STXBP5L: variants seen among roughly 807,000 people sequenced by gnomAD.
STXBP5L encodes the protein syntaxin binding protein 5L, also known as syntaxin-binding protein 5-like.
STXBP5L carries 65 observed loss-of-function variants against 144.5 expected under a neutral mutation model. The ratio of observed to expected loss-of-function variants is 0.45; its 90% confidence interval spans 0.37 to 0.55. STXBP5L has a LOEUF of 0.55. STXBP5L is among the 20% of genes least tolerant of loss of function. The pLI is 0.00. For missense variants in STXBP5L, 1,298 were observed against 1,405.5 expected, an observed-to-expected ratio of 0.92 and a Z score of 1.22; for synonymous variants, 505 against 469.6, an observed-to-expected ratio of 1.08 and a Z score of -0.97.
At position 121,311,779 on chromosome 3, in the gene STXBP5L, A is replaced by G. The variant is rs531694684; in HGVS notation, c.2111-6696A>G. 2.1e-4 allele frequency among the ~76,000 whole-genome samples: 32 copies of G among 152,360 alleles called. No individual in the cohort carries two copies. The East Asian group carries it at 5.8e-3, about 28-fold the overall frequency. Reference sequence around the variant, plus strand: ...ATGGCCATATTGCCCAAGGTAATTTATAGATTCAATGCCATCCCCATCAAG... The same window carrying G: ...ATGGCCATATTGCCCAAGGTAATTTGTAGATTCAATGCCATCCCCATCAAG... On this transcript the variant is annotated intron_variant, in intron 19 of 26. Transcript: ENST00000471454.
chr3:121,337,346 G>A (rs1289978340), intron 20 of STXBP5L, among the ~76,000 whole-genome samples: 1 of 151,342 alleles, frequency 6.6e-6, no homozygotes, highest in Non-Finnish European at 1.5e-5. Context: ...GAGGTAAAGG[G>A]GTGGAAAAAG....
At chr3:120,945,555 A>G (rs1398487168) in intron 2 of STXBP5L, among the ~76,000 whole-genome samples, 1 of 151,826 alleles carries the variant, frequency 6.6e-6, no homozygotes, top group Non-Finnish European at 1.5e-5. Context: ...TCAGATGAAA[A>G]ATATGTCCAA....
intron 3 of STXBP5L, among the ~76,000 whole-genome samples, chr3:121,003,988 C>A (rs1944022551): frequency 1.3e-5 from 2 of 152,210 alleles, no homozygotes; most frequent in Admixed American, 1.3e-4. Context: ...TAGCGTGATG[C>A]CTCCAGCTTT....
intron 20 of STXBP5L, among the ~76,000 whole-genome samples, chr3:121,341,250 G>A (rs765460459): frequency 3.3e-5 from 5 of 152,158 alleles, no homozygotes; most frequent in South Asian, 4.1e-4. Context: ...TGGAAAACAG[G>A]TTTATGTGCT....
chr3:121,366,270 A>G (rs2045862373), intron 20 of STXBP5L, among the ~76,000 whole-genome samples: 1 of 151,822 alleles, frequency 6.6e-6, no homozygotes, highest in African/African-American at 2.4e-5. Flanking sequence ...TCACTGTTAG[A>G]TCTAGTTGGT....
chr3:121,191,412 G>A (rs1044950412), intron 9 of STXBP5L, among the ~76,000 whole-genome samples: 15 of 152,168 alleles, frequency 9.9e-5, no homozygotes, highest in South Asian at 4.1e-4. Context: ...GGAGGCGCAC[G>A]CCTGCAATCC....
At chr3:121,351,420 G>A (rs1037758651) in intron 20 of STXBP5L, among the ~76,000 whole-genome samples, 4 of 152,166 alleles carry the variant, frequency 2.6e-5, no homozygotes, top group Admixed American at 2.6e-4. Flanking sequence ...ACCCACTTGA[G>A]GAGGCAGTCT....
intron 9 of STXBP5L, among the ~76,000 whole-genome samples, chr3:121,161,612 A>G (rs2108020029): frequency 6.6e-6 from 1 of 152,126 alleles, no homozygotes; most frequent in East Asian, 1.9e-4. Context: ...CAAGATTAGC[A>G]CTGTTGATGG....
At chr3:121,299,975 C>CAAAAAAA (rs35062789) in intron 19 of STXBP5L, among the ~76,000 whole-genome samples, 1 of 115,734 alleles carries the variant, frequency 8.6e-6, no homozygotes, top group African/African-American at 3.3e-5. Context: ...GACCTGATCT[C>CAAAAAAA]AAAAAAAAAA....
chr3:120,995,502 A>G (rs1375130894), intron 3 of STXBP5L, among the ~76,000 whole-genome samples: 1 of 151,510 alleles, frequency 6.6e-6, no homozygotes, highest in Admixed American at 6.6e-5. Context: ...TTGTGCATTA[A>G]TTGAACATTT....
Position 120,992,616 on chromosome 3 carries a change from T to C in STXBP5L, c.287+37579T>C, listed in dbSNP as rs1042407454. Among the ~76,000 whole-genome samples, 6 of 152,288 alleles carry C rather than the reference T, an allele frequency of 3.9e-5. No individual in the cohort carries two copies. The South Asian group carries it at 8.3e-4, about 21-fold the overall frequency. ...GGACGTGCAGTTCTATCCATGCTGC[T>C]GCAAATGACAGGATTTTATTCTTTT... On this transcript the variant is annotated intron_variant, in intron 3 of 26. Coordinates refer to ENST00000471454, the MANE Select transcript of STXBP5L (RefSeq NM_001308330.2).
At chr3:121,024,549 G>T (rs1222246906) in intron 3 of STXBP5L, among the ~76,000 whole-genome samples, 3 of 152,182 alleles carry the variant, frequency 2.0e-5, no homozygotes, top group African/African-American at 7.2e-5. Flanking sequence ...TGCTATGTAA[G>T]CTGTCAAGTC....
Position 121,254,957 on chromosome 3 carries a change from G to A in STXBP5L, c.1504G>A (p.Glu502Lys). Residue 502 changes from glutamate to lysine, a missense_variant, in exon 16 of 27, where the codon GAA (glutamate) becomes AAA (lysine). Physicochemically the swap from Glu to Lys is moderately conservative, Grantham distance 56 (BLOSUM62 1). Coordinates refer to ENST00000471454, the MANE Select transcript of STXBP5L (RefSeq NM_001308330.2). The stretch of plus-strand genomic sequence containing the variant: ...AGTGTTTGAAAAACAGAAGGTAGGA[G>A]AAGGAAAACAAACATGTGAAATTGT... ...SKVFEKQKVGEGKQTCEIVEE... is the reference protein window; with the variant it reads ...SKVFEKQKVGKGKQTCEIVEE... 6.2e-7 allele frequency: 1 copy of A among 1,613,558 alleles called. No individual in the cohort carries two copies. Among genetic ancestry groups the A allele is most frequent in the Non-Finnish European group, 8.5e-7 (1 of 1,179,690 alleles).
chr3:120,911,932 AAT>A (rs1708861043), intron 2 of STXBP5L, among the ~76,000 whole-genome samples: 1 of 151,996 alleles, frequency 6.6e-6, no homozygotes, highest in Non-Finnish European at 1.5e-5. Context: ...TCCCTGATTA[AAT>A]GTGCAAAAAA....
At chr3:121,200,423 A>T (rs2048094032) in intron 9 of STXBP5L, among the ~76,000 whole-genome samples, 1 of 152,116 alleles carries the variant, frequency 6.6e-6, no homozygotes, top group Non-Finnish European at 1.5e-5. Flanking sequence ...GCTTTTCAAA[A>T]AACCAGCTTC....
At chr3:120,922,524 G>A (rs376642890) in intron 2 of STXBP5L, among the ~76,000 whole-genome samples, 37 of 151,972 alleles carry the variant, frequency 2.4e-4, no homozygotes, top group African/African-American at 8.9e-4. Context: ...GTGAAAGTGG[G>A]CATCCTTGTC....
chr3:121,036,469 T>A (rs967358266), intron 3 of STXBP5L, among the ~76,000 whole-genome samples: 1 of 152,204 alleles, frequency 6.6e-6, no homozygotes, highest in African/African-American at 2.4e-5. Flanking sequence ...GCATGCTTTT[T>A]ATTTTTCTCA....
At chr3:121,344,611 T>A (rs1368213991) in intron 20 of STXBP5L, among the ~76,000 whole-genome samples, 1 of 151,946 alleles carries the variant, frequency 6.6e-6, no homozygotes, top group African/African-American at 2.4e-5. Flanking sequence ...GAAGTTAAAA[T>A]CCACGACAAT....
intron 22 of STXBP5L, among the ~76,000 whole-genome samples, chr3:121,398,232 C>T (rs1291528375): frequency 6.6e-6 from 1 of 152,194 alleles, no homozygotes; most frequent in Admixed American, 6.6e-5. Flanking sequence ...CCGTTTTAAA[C>T]TTAAACTAGA....
Sources: allele counts gnomAD v4.1 joint callset (sites outside exome capture counted in the v4.1 genomes callset), GRCh38; gene constraint gnomAD v4.1.1; transcripts MANE v1.5; gene names NCBI Gene and HGNC (gene_info 2026-07-23, HGNC 2026-07-21).